Variants in KCNJ10 observed in about 807,000 individuals in gnomAD.
KCNJ10 encodes potassium inwardly rectifying channel subfamily J member 10, also known as ATP-sensitive inward rectifier potassium channel 10.
Under a neutral mutation model 22.2 loss-of-function variants are expected in KCNJ10, and 9 were observed. The ratio of observed to expected loss-of-function variants is 0.40; its 90% CI spans 0.24 to 0.71. The LOEUF (loss-of-function observed/expected upper bound fraction) is 0.71. KCNJ10 is among the 30% of genes least tolerant of loss of function. The probability of loss-of-function intolerance (pLI) is 0.35; values close to 1 mark genes in which losing one functional copy is unlikely to be tolerated. For synonymous variants in KCNJ10, 184 were observed against 187.3 expected (o/e 0.98, Z 0.15); for missense variants, 337 against 482.7 (o/e 0.70, Z 2.83).
chr1:160,052,656 G>C (rs74123226), intron 1 of KCNJ10, among the ~76,000 whole-genome samples: 1,896 of 152,310 alleles, frequency 0.012, 46 homozygotes, highest in African/African-American at 0.044. Context: ...AGAACTAAGA[G>C]ACAGCACTGC....
chr1:160,047,742 AC>A (rs1243728090), intron 1 of KCNJ10, among the ~76,000 whole-genome samples: 2 of 148,832 alleles, frequency 1.3e-5, no homozygotes, highest in Admixed American at 6.7e-5. Flanking sequence ...CCCCCACCTC[AC>A]CCCCCGCCAG....
At chr1:160,061,602 G>A (rs1314403967) in intron 1 of KCNJ10, among the ~76,000 whole-genome samples, 1 of 151,962 alleles carries the variant, frequency 6.6e-6, no homozygotes, top group East Asian at 1.9e-4. Flanking sequence ...TGGGGCAGCG[G>A]GACATTCTTA....
intron 1 of KCNJ10, among the ~76,000 whole-genome samples, chr1:160,062,794 A>G (rs76795741): frequency 0.011 from 1,628 of 152,282 alleles, 11 homozygotes; most frequent in Middle Eastern, 0.051. Context: ...AGAGTAATAC[A>G]TAGCAAGTTC....
In KCNJ10 at chr1:160,042,543, C is replaced by G. The variant is rs141081153; in HGVS notation, c.1-11G>C. ...GGCAACTGACGTCATCTGGAGGGAG[C>G]AAGACAGCATAATGGAGGTTATCGT... On this transcript the variant is annotated splice_polypyrimidine_tract_variant and intron_variant, in intron 1 of 1. Coordinates refer to ENST00000644903, the MANE Select transcript of KCNJ10 (RefSeq NM_002241.5). The G allele has an allele frequency of 1.2e-6, 2 of 1,612,944 alleles. No homozygotes were observed. The highest frequency in any genetic ancestry group is 8.5e-7 in the Non-Finnish European group (1 of 1,179,482).
At chr1:160,057,929 C>G (rs931915326) in intron 1 of KCNJ10, among the ~76,000 whole-genome samples, 2 of 151,854 alleles carry the variant, frequency 1.3e-5, no homozygotes, top group Non-Finnish European at 2.9e-5. Context: ...GAGGTAGTGG[C>G]GGGTAGGGGA....
chr1:160,041,279 G>C lies in KCNJ10; in HGVS notation c.*114C>G, dbSNP rs1648593363. On this transcript the variant is annotated 3_prime_UTR_variant, in exon 2 of 2. Coordinates refer to ENST00000644903, the MANE Select transcript of KCNJ10 (RefSeq NM_002241.5). The surrounding 1 kb of genome is among the most constrained non-coding windows in gnomAD (Gnocchi z 4.4). ...AACAGGCCACTGGGTTAAAGAAGAG[G>C]GAGTGGAGGATGGGTGCTTCGGGGG... 1 of 1,072,932 alleles carries C rather than the reference G, an allele frequency of 9.3e-7. No individual in the cohort carries two copies. Among genetic ancestry groups the C allele is most frequent in the Admixed American group, 2.0e-5 (1 of 50,204 alleles). 66.5% of individuals were successfully genotyped at this position (1,072,932 alleles called of 1,614,324 possible).
At chr1:160,067,858 A>C (rs1229525065) in intron 1 of KCNJ10, 1 of 151,348 alleles carries the variant, frequency 6.6e-6, no homozygotes, top group Non-Finnish European at 1.5e-5. Context: ...AGAGCTTTAA[A>C]CCCCCTATCC....
intron 1 of KCNJ10, among the ~76,000 whole-genome samples, chr1:160,068,219 G>A (rs1372320496): frequency 6.6e-6 from 1 of 152,092 alleles, no homozygotes; most frequent in Non-Finnish European, 1.5e-5. Context: ...GATAGCAGAG[G>A]GGTTCTGCAT....
At chr1:160,065,872 A>G (rs971699902) in intron 1 of KCNJ10, among the ~76,000 whole-genome samples, 3 of 152,080 alleles carry the variant, frequency 2.0e-5, no homozygotes, top group African/African-American at 4.8e-5. Flanking sequence ...GAAGGAGTCG[A>G]GGAGAGAGGG....
chr1:160,057,919 G>A (rs1571273185), intron 1 of KCNJ10, among the ~76,000 whole-genome samples: 1 of 152,084 alleles, frequency 6.6e-6, no homozygotes, highest in Non-Finnish European at 1.5e-5. Context: ...GAGGGCCCAA[G>A]AGGTAGTGGC....
At chr1:160,060,656 C>A (rs1649169146) in intron 1 of KCNJ10, among the ~76,000 whole-genome samples, 1 of 152,160 alleles carries the variant, frequency 6.6e-6, no homozygotes, top group Non-Finnish European at 1.5e-5. Context: ...CCTCCCAGGC[C>A]CCAGCACACC....
chr1:160,063,127 CT>C (rs1248484137), intron 1 of KCNJ10, among the ~76,000 whole-genome samples: 10 of 152,176 alleles, frequency 6.6e-5, no homozygotes, highest in African/African-American at 2.2e-4. Flanking sequence ...TGAGGAGAAG[CT>C]TCCCTTCTCC....
intron 1 of KCNJ10, among the ~76,000 whole-genome samples, chr1:160,051,141 C>T (rs1275893482): frequency 1.3e-5 from 2 of 150,754 alleles, no homozygotes; most frequent in Non-Finnish European, 2.9e-5. Context: ...CCAGGATGGT[C>T]TCGATTTCTT....
chr1:160,069,347 C>T (rs747058451), intron 1 of KCNJ10, among the ~76,000 whole-genome samples: 2 of 152,218 alleles, frequency 1.3e-5, no homozygotes, highest in African/African-American at 2.4e-5. Context: ...AGAACCCAAT[C>T]TGCCCTTCTC....
chr1:160,062,921 C>G (rs1028544559), intron 1 of KCNJ10, among the ~76,000 whole-genome samples: 2 of 152,090 alleles, frequency 1.3e-5, no homozygotes, highest in African/African-American at 4.8e-5. Context: ...GCTGAAGAAG[C>G]TACTACAGGG....
At chr1:160,058,060 T>A (rs1326463094) in intron 1 of KCNJ10, among the ~76,000 whole-genome samples, 2 of 152,206 alleles carry the variant, frequency 1.3e-5, no homozygotes, top group African/African-American at 2.4e-5. Flanking sequence ...GAGAACCTTT[T>A]CTGGACTGCT....
In KCNJ10 at chr1:160,054,374, C is replaced by T. The variant is rs147986601; in HGVS notation, c.1-11842G>A. Among the ~76,000 whole-genome samples, 12 of 152,268 alleles carry T rather than the reference C, an allele frequency of 7.9e-5. No individual in the cohort carries two copies. In the East Asian group the frequency reaches 2.1e-3, roughly 27 times the overall value. On this transcript the variant is annotated intron_variant, in intron 1 of 1. Coordinates refer to ENST00000644903, the MANE Select transcript of KCNJ10 (RefSeq NM_002241.5). ...CAGCTCCAGCAATCCCAGTAGCCTCCCAGCCTGGCCCCATCTGGGTCCTCA... is the reference window on the plus strand; with the variant it reads ...CAGCTCCAGCAATCCCAGTAGCCTCTCAGCCTGGCCCCATCTGGGTCCTCA...
At chr1:160,043,272 A>AACACACACACACAC in intron 1 of KCNJ10, among the ~76,000 whole-genome samples, 1 of 132,644 alleles carries the variant, frequency 7.5e-6, no homozygotes, top group Non-Finnish European at 1.6e-5. Context: ...TCCCCCTTAA[A>AACACACACACACAC]ACACACACAC....
intron 1 of KCNJ10, among the ~76,000 whole-genome samples, chr1:160,057,673 G>A (rs1485174885): frequency 6.6e-6 from 1 of 152,142 alleles, no homozygotes; most frequent in Non-Finnish European, 1.5e-5. Context: ...TAATGTTCTT[G>A]GGCTGAAGGC....
Sources: gnomAD v4.1 joint callset for allele counts (sites outside exome capture counted in the v4.1 genomes callset) on GRCh38, gnomAD v4.1.1 for gene constraint, Gnocchi (gnomAD v3.1) non-coding constraint, MANE v1.5 for transcripts, NCBI Gene and HGNC (gene_info 2026-07-23, HGNC 2026-07-21) for gene names.